LZTFL1: variants seen among roughly 807,000 people sequenced by gnomAD.
The protein encoded by LZTFL1 is leucine zipper transcription factor-like protein 1.
A neutral mutation model predicts 45.9 loss-of-function variants in LZTFL1; 25 were observed. The observed-to-expected ratio is 0.54, with a 90% CI of 0.40 to 0.76. The LOEUF is 0.76. Among genes scored for constraint, LZTFL1 ranks in the 30% least tolerant of loss-of-function variants. The probability of loss-of-function intolerance (pLI) is 0.00; values close to 1 mark genes in which losing one functional copy is unlikely to be tolerated. For synonymous variants in LZTFL1, 93 were observed against 117.4 expected, an observed-to-expected ratio of 0.79 and a Z score of 1.35; for missense variants, 277 against 331.1, an observed-to-expected ratio of 0.84 and a Z score of 1.27.
At chr3:45,882,834 TAAC>T (rs2125728763) in intron 2 of LZTFL1, among the ~76,000 whole-genome samples, 1 of 146,048 alleles carries the variant, frequency 6.8e-6, no homozygotes, top group Non-Finnish European at 1.5e-5. Context: ...TTATTATTAT[TAAC>T]ATTTTTTTAA....
intron 4 of LZTFL1, chr3:45,854,983 T>C: frequency 6.5e-7 from 1 of 1,528,264 alleles, no homozygotes; most frequent in Non-Finnish European, 8.8e-7. Context: ...CTTGTCAACT[T>C]ACAGAGCTTT....
chr3:45,869,244 G>A (rs1315189494), intron 2 of LZTFL1, among the ~76,000 whole-genome samples: 1 of 152,236 alleles, frequency 6.6e-6, no homozygotes, highest in Admixed American at 6.5e-5. Flanking sequence ...TGCTGTGCAA[G>A]GAGTGCATGG....
chr3:45,866,666 C>G (rs549405485), intron 2 of LZTFL1, among the ~76,000 whole-genome samples: 1 of 152,298 alleles, frequency 6.6e-6, no homozygotes, highest in South Asian at 2.1e-4. Context: ...CCTTCCACTG[C>G]CTGGATCTAC....
intron 2 of LZTFL1, among the ~76,000 whole-genome samples, chr3:45,905,411 TA>T (rs1229349364): frequency 6.6e-6 from 1 of 152,232 alleles, no homozygotes; most frequent in African/African-American, 2.4e-5. Flanking sequence ...TATCAAAGCC[TA>T]AAAATGACAT....
chr3:45,854,895 C>T, intron 4 of LZTFL1: 1 of 864,718 alleles, frequency 1.2e-6, no homozygotes, highest in South Asian at 1.7e-5. Flanking sequence ...TCTCCTTGTC[C>T]CATTCATCTA....
intron 1 of LZTFL1, among the ~76,000 whole-genome samples, chr3:45,838,711 A>G (rs1320983350): frequency 1.3e-5 from 2 of 152,240 alleles, no homozygotes; most frequent in Non-Finnish European, 2.9e-5. Flanking sequence ...CACCCAAATA[A>G]CAGAGCAGGT....
chr3:45,913,013 T>C lies in LZTFL1; in HGVS notation c.-215+107A>G. 5.3e-6 allele frequency: 6 copies of C among 1,133,108 alleles called. No homozygotes were observed. In the Middle Eastern group the frequency reaches 1.2e-3, roughly 226 times the overall value. 70.2% of individuals were successfully genotyped at this position (1,133,108 alleles called of 1,614,324 possible). On this transcript the variant is annotated intron_variant, in intron 2 of 4. Coordinates refer to the LZTFL1 transcript ENST00000472635. The stretch of plus-strand genomic sequence containing the variant: ...GAAAAGCTTTTTATAAGTCATCAGA[T>C]AATCTAAATTCAAGTAAAATGAGAA...
chr3:45,894,937 A>G, intron 2 of LZTFL1: 2 of 1,614,000 alleles, frequency 1.2e-6, no homozygotes, highest in Non-Finnish European at 1.7e-6. Flanking sequence ...ACCCACCATG[A>G]CACCCACAGA....
At position 45,841,852 on chromosome 3, in the gene LZTFL1, C is replaced by A. The variant is rs1701125345; in HGVS notation, c.3+137G>T. 3 of 1,164,138 alleles carry A rather than the reference C, an allele frequency of 2.6e-6. No homozygotes were observed. The South Asian group carries it at 4.0e-5, about 16-fold the overall frequency. The allele number at this position is 1,164,138 out of a possible 1,614,324, so 72.1% of individuals were successfully genotyped here. On this transcript the variant is annotated intron_variant, in intron 1 of 9. Transcript: ENST00000296135. The stretch of plus-strand genomic sequence containing the variant: ...CGAATCTCTCGCGCCCGGCGCAGCT[C>A]CCCTTCTCAGGGAGGCTGAGGTGCG...
chr3:45,837,954 G>A lies in LZTFL1; in HGVS notation c.101C>T (p.Ser34Phe). 2.5e-6 allele frequency: 4 copies of A among 1,613,036 alleles called. No homozygotes were observed. The highest frequency in any genetic ancestry group is 1.1e-5 in the South Asian group (1 of 90,848). ...GCTCTCCTTGAGGTCTTGGAAGCAG[G>A]AATCTACAGTTTTGAGTCTCAAGCC... is the stretch of plus-strand genomic sequence containing the variant. Reference protein sequence around the residue: ...KRGLRLKTVDSCFQDLKESRL... With the variant: ...KRGLRLKTVDFCFQDLKESRL... Residue 34 changes from serine (S) to phenylalanine (F), a missense_variant, in exon 2 of 10, where the codon TCC (serine) becomes TTC (phenylalanine). Coordinates refer to ENST00000296135, the MANE Select transcript of LZTFL1 (RefSeq NM_020347.4).
intron 2 of LZTFL1, among the ~76,000 whole-genome samples, chr3:45,895,462 G>A (rs182618274): frequency 3.2e-4 from 49 of 152,344 alleles, no homozygotes; most frequent in Non-Finnish European, 5.6e-4. Context: ...TGTAATCCCA[G>A]CACTTTGGGA....
At chr3:45,914,509 A>G (rs1261205618) in intron 1 of LZTFL1, among the ~76,000 whole-genome samples, 1 of 152,108 alleles carries the variant, frequency 6.6e-6, no homozygotes, top group Non-Finnish European at 1.5e-5. Flanking sequence ...CCTGGCCTCA[A>G]GTGATCCTCC....
chr3:45,897,564 C>CCT, intron 2 of LZTFL1: 2 of 1,534,834 alleles, frequency 1.3e-6, no homozygotes, highest in Non-Finnish European at 1.7e-6. Flanking sequence ...CCTGCAGTCT[C>CCT]CTCCAGGCCC....
intron 2 of LZTFL1, among the ~76,000 whole-genome samples, chr3:45,875,048 C>T (rs1701728784): frequency 6.8e-6 from 1 of 146,938 alleles, no homozygotes; most frequent in South Asian, 2.6e-4. Context: ...CTTGTAGAAT[C>T]ATGAGCTAAA....
chr3:45,847,023 A>T (rs1701227998), upstream of LZTFL1, among the ~76,000 whole-genome samples: 1 of 152,158 alleles, frequency 6.6e-6, no homozygotes, highest in Non-Finnish European at 1.5e-5. Flanking sequence ...GTCTAATGTC[A>T]ATGTGTTTTC....
chr3:45,871,775 G>T (rs1701674824), intron 2 of LZTFL1, among the ~76,000 whole-genome samples: 1 of 152,052 alleles, frequency 6.6e-6, no homozygotes, highest in Non-Finnish European at 1.5e-5. Flanking sequence ...ACAAAGAAAA[G>T]AAAGGCAGTT....
chr3:45,826,867 T>C (rs1297795258), intron 9 of LZTFL1, among the ~76,000 whole-genome samples: 1 of 152,224 alleles, frequency 6.6e-6, no homozygotes, highest in East Asian at 1.9e-4. Context: ...TACCCTTAAC[T>C]GGGTATCATG....
chr3:45,848,165 A>T (rs1239697905), intron 4 of LZTFL1, among the ~76,000 whole-genome samples: 5 of 152,214 alleles, frequency 3.3e-5, no homozygotes, highest in Non-Finnish European at 7.3e-5. Flanking sequence ...TCCTATACCC[A>T]CATAAAAGCT....
At chr3:45,859,259 T>G (rs1701442409) in intron 2 of LZTFL1, among the ~76,000 whole-genome samples, 1 of 152,260 alleles carries the variant, frequency 6.6e-6, no homozygotes, top group Non-Finnish European at 1.5e-5. Context: ...GAAGGACATC[T>G]GACTCTCCCA....
Sources: allele counts gnomAD v4.1 joint callset (sites outside exome capture counted in the v4.1 genomes callset), GRCh38; gene constraint gnomAD v4.1.1; transcripts MANE v1.5; gene names NCBI Gene and HGNC (gene_info 2026-07-23, HGNC 2026-07-21).